Variants in SMARCC1 observed in about 807,000 individuals in gnomAD.
SMARCC1 encodes SWI/SNF complex subunit SMARCC1.
A neutral mutation model predicts 147.4 loss-of-function variants in SMARCC1; 43 were observed. The observed-to-expected ratio is 0.29, with a 90% CI of 0.23 to 0.38. The LOEUF (loss-of-function observed/expected upper bound fraction) is 0.38, where lower values mean the gene tolerates loss of function less well. Among genes scored for constraint, SMARCC1 ranks in the 10% least tolerant of loss-of-function variants. SMARCC1 has a pLI of 1.00. For missense variants in SMARCC1, 1,119 were observed against 1,381.1 expected (o/e 0.81, Z 3.01); for synonymous variants, 495 against 484.4 (o/e 1.02, Z -0.29).
intron 5 of SMARCC1, among the ~76,000 whole-genome samples, chr3:47,732,315 G>C (rs1343748291): frequency 6.6e-6 from 1 of 152,164 alleles, no homozygotes; most frequent in East Asian, 1.9e-4. Flanking sequence ...ATGTTGGGCT[G>C]CTCTGATCTC....
chr3:47,740,014 T>C (rs963001564), intron 3 of SMARCC1, among the ~76,000 whole-genome samples: 1 of 151,430 alleles, frequency 6.6e-6, no homozygotes, highest in African/African-American at 2.4e-5. Context: ...TTAGCTGGGA[T>C]TACAGGTGTG....
chr3:47,670,367 T>C (rs1217416943), intron 19 of SMARCC1: 13 of 358,186 alleles, frequency 3.6e-5, no homozygotes, highest in East Asian at 1.5e-4. Flanking sequence ...GGAGGATTGC[T>C]TGAGTCCAGG....
At chr3:47,753,539 C>T (rs1437391305) in intron 2 of SMARCC1, among the ~76,000 whole-genome samples, 1 of 151,078 alleles carries the variant, frequency 6.6e-6, no homozygotes, top group African/African-American at 2.4e-5. Flanking sequence ...GGTGAAACCC[C>T]GTCTCTACTA....
At chr3:47,701,458 A>T in intron 10 of SMARCC1, 56 bp from the exon 11 acceptor site, 1 of 1,519,914 alleles carries the variant, frequency 6.6e-7, no homozygotes, top group African/African-American at 1.4e-5. Context: ...TACTGATAGC[A>T]AACAGTTTCT....
At chr3:47,737,546 C>T (rs1309840257) in intron 4 of SMARCC1, among the ~76,000 whole-genome samples, 1 of 152,068 alleles carries the variant, frequency 6.6e-6, no homozygotes, top group African/African-American at 2.4e-5. Context: ...CCCCAAACAC[C>T]CATAAAAATA....
chr3:47,604,160 G>C, intron 26 of SMARCC1: 1 of 456,748 alleles, frequency 2.2e-6, no homozygotes, highest in Non-Finnish European at 4.4e-6. Flanking sequence ...GTGTTTAAGA[G>C]CCTAGCAGAT....
At chr3:47,769,083 C>T (rs1196780580) in intron 2 of SMARCC1, among the ~76,000 whole-genome samples, 1 of 151,418 alleles carries the variant, frequency 6.6e-6, no homozygotes, top group African/African-American at 2.4e-5. Flanking sequence ...TGGTGGCAGG[C>T]ACCTGTAGTC....
intron 21 of SMARCC1, among the ~76,000 whole-genome samples, chr3:47,648,871 C>T (rs1204967746): frequency 6.6e-6 from 1 of 152,054 alleles, no homozygotes; most frequent in Non-Finnish European, 1.5e-5. Flanking sequence ...CATGACTTGC[C>T]CACAGCAAGG....
In SMARCC1 at chr3:47,610,152, C is replaced by T. The variant is rs765675964; in HGVS notation, c.2957G>A (p.Gly986Glu). The change falls in exon 26 of 28, where the codon GGG becomes GAG. Residue 986 changes from glycine to glutamate, a missense_variant. By Grantham distance (98) the Gly-to-Glu change is moderately conservative. Coordinates refer to ENST00000254480, the MANE Select transcript of SMARCC1 (RefSeq NM_003074.4). ...GPGLAPLGAA[G>E]HPGMMPHQQP... Reference sequence around the variant, plus strand: ...TTGATGAGGCATCATGCCAGGGTGCCCTGCTGCTCCAAGTGGGGCCAGGCC... The same window carrying T: ...TTGATGAGGCATCATGCCAGGGTGCTCTGCTGCTCCAAGTGGGGCCAGGCC... The T allele has an allele frequency of 1.2e-6, 2 of 1,614,026 alleles. No homozygotes were observed. Among genetic ancestry groups the T allele is most frequent in the Admixed American group, 3.3e-5 (2 of 60,012 alleles).
rs190778618 is a variant in SMARCC1, at chr3:47,775,223, C to T, written c.196-2287G>A. 9.2e-4 allele frequency among the ~76,000 whole-genome samples: 137 copies of T among 148,628 alleles called. 1 individual carries two copies. The highest frequency in any genetic ancestry group is 2.6e-3 in the African/African-American group (106 of 40,266). On this transcript the variant is annotated intron_variant, in intron 1 of 27. Transcript: ENST00000254480. ...TTGCCCAGGCTGGAGTGCAGTGGTG[C>T]GATCTTGGCTCACTGCAAGCTCTGC...
At chr3:47,626,311 T>C (rs1321492914) in intron 24 of SMARCC1, among the ~76,000 whole-genome samples, 2 of 151,820 alleles carry the variant, frequency 1.3e-5, no homozygotes, top group Admixed American at 6.6e-5. Context: ...CAAGCCCGGC[T>C]AATTTTTGTA....
intron 2 of SMARCC1, among the ~76,000 whole-genome samples, chr3:47,762,589 T>C (rs373828179): frequency 6.6e-4 from 101 of 152,352 alleles, no homozygotes; most frequent in African/African-American, 2.3e-3. Flanking sequence ...TTTACAGGTG[T>C]TCCACCAAAT....
At chr3:47,697,478 T>C (rs1181702201) in intron 11 of SMARCC1, among the ~76,000 whole-genome samples, 1 of 151,630 alleles carries the variant, frequency 6.6e-6, no homozygotes, top group African/African-American at 2.4e-5. Context: ...ATTTTTGTAT[T>C]TTTAGTAGAG....
chr3:47,590,967 T>G (rs2108223400), intron 26 of SMARCC1, 130 bp from the exon 27 acceptor site: 1 of 781,736 alleles, frequency 1.3e-6, no homozygotes, highest in East Asian at 2.9e-5. Flanking sequence ...AGAGCAATAA[T>G]CTGTAATAAT....
chr3:47,660,264 G>T (rs995123724), intron 21 of SMARCC1, among the ~76,000 whole-genome samples: 4 of 151,766 alleles, frequency 2.6e-5, no homozygotes, highest in Non-Finnish European at 5.9e-5. Context: ...GGCCAACATG[G>T]TGAAACCCTG....
At chr3:47,617,508 C>T (rs773608739) in intron 25 of SMARCC1, among the ~76,000 whole-genome samples, 2 of 152,180 alleles carry the variant, frequency 1.3e-5, no homozygotes, top group African/African-American at 2.4e-5. Flanking sequence ...GTTTGCATAA[C>T]GGGAGGCATA....
intron 16 of SMARCC1, 36 bp downstream of exon 16, chr3:47,678,162 A>T: frequency 8.1e-7 from 1 of 1,227,512 alleles, no homozygotes; most frequent in Non-Finnish European, 1.2e-6. Flanking sequence ...GTAAATTCCT[A>T]CAGTTAAATG....
In SMARCC1 at chr3:47,610,156, C is replaced by A. The variant is rs935248773; in HGVS notation, c.2953G>T (p.Ala985Ser). 2 of 1,614,062 alleles carry A rather than the reference C, an allele frequency of 1.2e-6. No homozygotes were observed. The highest frequency in any genetic ancestry group is 2.2e-5 in the East Asian group (1 of 44,890). ...TGAGGCATCATGCCAGGGTGCCCTG[C>A]TGCTCCAAGTGGGGCCAGGCCAGGT... ...GGPGLAPLGA[A>S]GHPGMMPHQQ... The change falls in exon 26 of 28, where the codon GCA becomes TCA. Residue 985 changes from alanine (A) to serine (S), a missense_variant. Physicochemically the swap from Ala to Ser is moderately conservative, Grantham distance 99 (BLOSUM62 1). Transcript: ENST00000254480.
chr3:47,732,123 G>A (rs1045893011), intron 5 of SMARCC1, among the ~76,000 whole-genome samples: 3 of 152,122 alleles, frequency 2.0e-5, no homozygotes, highest in Non-Finnish European at 4.4e-5. Flanking sequence ...TTCTACATTA[G>A]CACTTGCTGC....
Sources: allele counts gnomAD v4.1 joint callset (sites outside exome capture counted in the v4.1 genomes callset), GRCh38; gene constraint gnomAD v4.1.1; transcripts MANE v1.5; gene names NCBI Gene and HGNC (gene_info 2026-07-23, HGNC 2026-07-21).